MAGI1: variants seen among roughly 807,000 people sequenced by gnomAD.
The protein encoded by MAGI1 is membrane associated guanylate kinase, WW and PDZ domain containing 1, also known as membrane-associated guanylate kinase, WW and PDZ domain-containing protein 1.
In MAGI1, 58 loss-of-function variants were observed where a neutral mutation model predicts 139.9. The observed-to-expected ratio is 0.41, with a 90% CI of 0.34 to 0.52. The LOEUF is 0.52. Among genes scored for constraint, MAGI1 ranks in the 20% least tolerant of loss-of-function variants. The pLI, the probability that MAGI1 is intolerant of heterozygous loss-of-function variation, is 0.12. For synonymous variants in MAGI1, 812 were observed against 737.9 expected (o/e 1.10, Z -1.63); for missense variants, 1,874 against 1,901.6 (o/e 0.99, Z 0.27).
chr3:65,466,344 G>A (rs539602721), intron 5 of MAGI1, among the ~76,000 whole-genome samples: 2 of 151,984 alleles, frequency 1.3e-5, no homozygotes, highest in African/African-American at 4.8e-5. Flanking sequence ...ACATTATAGG[G>A]GTCTGGATCT....
chr3:65,415,991 C>A (rs910946606), intron 12 of MAGI1, among the ~76,000 whole-genome samples: 1 of 152,234 alleles, frequency 6.6e-6, no homozygotes, highest in East Asian at 1.9e-4. Flanking sequence ...ATGCAATCAT[C>A]TGCCATTTTG....
At chr3:65,608,466 T>C (rs1488333804) in intron 2 of MAGI1, among the ~76,000 whole-genome samples, 1 of 149,388 alleles carries the variant, frequency 6.7e-6, no homozygotes, top group Non-Finnish European at 1.5e-5. Flanking sequence ...AACGGACAAA[T>C]GGAAAAAGAC....
intron 1 of MAGI1, among the ~76,000 whole-genome samples, chr3:65,902,351 T>C (rs2061264703): frequency 6.6e-6 from 1 of 152,086 alleles, no homozygotes; most frequent in Non-Finnish European, 1.5e-5. Context: ...CCTCATATAG[T>C]AGAATGAAAA....
intron 1 of MAGI1, among the ~76,000 whole-genome samples, chr3:65,696,209 C>T (rs970292851): frequency 1.3e-5 from 2 of 152,164 alleles, no homozygotes; most frequent in Admixed American, 6.5e-5. Context: ...ACCTATTCAA[C>T]TCACCTTATC....
At chr3:65,904,007 C>CA (rs562994010) in intron 1 of MAGI1, among the ~76,000 whole-genome samples, 3,794 of 136,602 alleles carry the variant, frequency 0.028, 77 homozygotes, top group South Asian at 0.065. Flanking sequence ...GACTCTTTCT[C>CA]AAAAAAAAAA....
chr3:66,034,401 T>C (rs2068802439), intron 1 of MAGI1, among the ~76,000 whole-genome samples: 1 of 152,210 alleles, frequency 6.6e-6, no homozygotes, highest in Admixed American at 6.5e-5. Flanking sequence ...GAACCTCAGC[T>C]TCTAACATCT....
chr3:65,515,969 G>A (rs1255666883), intron 2 of MAGI1, among the ~76,000 whole-genome samples: 7 of 152,114 alleles, frequency 4.6e-5, no homozygotes, highest in Non-Finnish European at 8.8e-5. Context: ...TCTTTACAGG[G>A]GCACAGGGAA....
At chr3:65,773,876 T>G (rs2038161221) in intron 1 of MAGI1, among the ~76,000 whole-genome samples, 1 of 152,214 alleles carries the variant, frequency 6.6e-6, no homozygotes, top group South Asian at 2.1e-4. Context: ...TATCTCATTG[T>G]GTTTTCCTTT....
intron 1 of MAGI1, among the ~76,000 whole-genome samples, chr3:66,018,351 G>A (rs2067780130): frequency 6.6e-6 from 1 of 152,164 alleles, no homozygotes; most frequent in African/African-American, 2.4e-5. Context: ...TACCCCAGAG[G>A]TGACATCCCA....
chr3:65,516,441 C>T (rs903263898), intron 2 of MAGI1, among the ~76,000 whole-genome samples: 6 of 151,966 alleles, frequency 3.9e-5, no homozygotes, highest in African/African-American at 1.4e-4. Context: ...CCTCCCAACG[C>T]ATTGGAATTA....
At chr3:65,569,976 G>A (rs2080872061) in intron 2 of MAGI1, among the ~76,000 whole-genome samples, 1 of 151,480 alleles carries the variant, frequency 6.6e-6, no homozygotes, top group African/African-American at 2.4e-5. Context: ...AAGGCAAGGA[G>A]GACTTTGCAA....
intron 22 of MAGI1, chr3:65,360,298 T>C (rs963606790): frequency 4.1e-6 from 4 of 984,562 alleles, no homozygotes; most frequent in African/African-American, 3.5e-5. Context: ...TATAGAAACT[T>C]TGGTAGACCT....
At chr3:65,681,907 C>A (rs999167852) in intron 1 of MAGI1, among the ~76,000 whole-genome samples, 4 of 151,928 alleles carry the variant, frequency 2.6e-5, no homozygotes, top group African/African-American at 9.7e-5. Context: ...CGATAGGTTG[C>A]CCAGGCTGGT....
At chr3:65,837,634 A>T (rs1243137382) in intron 1 of MAGI1, among the ~76,000 whole-genome samples, 1 of 152,196 alleles carries the variant, frequency 6.6e-6, no homozygotes, top group Non-Finnish European at 1.5e-5. Flanking sequence ...TCTAAGGTAT[A>T]AACACTAAAT....
At chr3:65,965,504 T>C (rs2064694720) in intron 1 of MAGI1, among the ~76,000 whole-genome samples, 1 of 152,138 alleles carries the variant, frequency 6.6e-6, no homozygotes, top group Non-Finnish European at 1.5e-5. Flanking sequence ...TAGCAAATGT[T>C]AGGGGGTGCT....
chr3:65,862,680 C>T (rs904818108), intron 1 of MAGI1, among the ~76,000 whole-genome samples: 1 of 152,208 alleles, frequency 6.6e-6, no homozygotes, highest in African/African-American at 2.4e-5. Context: ...ATGTTCTCTC[C>T]TCTTCCACCA....
intron 1 of MAGI1, among the ~76,000 whole-genome samples, chr3:65,662,820 C>T (rs189291428): frequency 6.6e-5 from 10 of 152,262 alleles, no homozygotes; most frequent in Admixed American, 6.5e-4. Context: ...CACATAACTA[C>T]AACTTTACAC....
At chr3:65,652,331 T>C (rs549403347) in intron 1 of MAGI1, among the ~76,000 whole-genome samples, 1 of 152,246 alleles carries the variant, frequency 6.6e-6, no homozygotes. Context: ...CCTACAAAAA[T>C]AAATTATCAC....
intron 1 of MAGI1, among the ~76,000 whole-genome samples, chr3:65,679,752 G>T (rs1000406091): frequency 6.6e-5 from 10 of 152,126 alleles, no homozygotes; most frequent in Admixed American, 5.2e-4. Flanking sequence ...CAACAGGGGT[G>T]GGGGGAAATG....
Sources: allele counts gnomAD v4.1 joint callset (sites outside exome capture counted in the v4.1 genomes callset), GRCh38; gene constraint gnomAD v4.1.1; transcripts MANE v1.5; gene names NCBI Gene and HGNC (gene_info 2026-07-23, HGNC 2026-07-21).